THTPA: variants seen among roughly 807,000 people sequenced by gnomAD.
THTPA encodes the protein thiamine-triphosphatase.
Under a neutral mutation model 16.5 loss-of-function variants are expected in THTPA, and 16 were observed. That is an observed-to-expected ratio of 0.97 (90% CI 0.66 to 1.47). The LOEUF (loss-of-function observed/expected upper bound fraction) is 1.47. Ranked by LOEUF, THTPA falls within the 40% of genes most tolerant of loss-of-function variation. The pLI, the probability that THTPA is intolerant of heterozygous loss-of-function variation, is 0.00. For missense variants in THTPA, 281 were observed against 280.9 expected (o/e 1.00, Z 0.00); for synonymous variants, 110 against 115.5 (o/e 0.95, Z 0.30).
At chr14:23,543,771 A>C in the THTPA span, 1 of 152,176 alleles carries the variant, frequency 6.6e-6, no homozygotes, top group African/African-American at 2.4e-5. Context: ...AGGTCTACAC[A>C]TGTGTATCCA....
chr14:23,538,976 C>T, the THTPA span, among the ~76,000 whole-genome samples: 1 of 152,086 alleles, frequency 6.6e-6, no homozygotes, highest in Non-Finnish European at 1.5e-5. Context: ...AGGCTGCTGC[C>T]ACTGAGGGGG....
Position 23,558,970 on chromosome 14 carries a change from C to A in THTPA, c.*130C>A, listed in dbSNP as rs1004225781. ...TCTCTCCAGCGCTGCCTGTTTCTTC[C>A]CCCTCCTCTAAGCTACTCTTCCTTG... is the stretch of plus-strand genomic sequence containing the variant. On this transcript the variant is annotated 3_prime_UTR_variant, in exon 2 of 2. Coordinates refer to ENST00000288014, the MANE Select transcript of THTPA (RefSeq NM_024328.6). 1 of 1,136,582 alleles carries A rather than the reference C, an allele frequency of 8.8e-7. No individual in the cohort carries two copies. Among genetic ancestry groups the A allele is most frequent in the African/African-American group, 1.6e-5 (1 of 63,834 alleles). The allele number at this position is 1,136,582 out of a possible 1,614,324, so 70.4% of individuals were successfully genotyped here.
the THTPA span, chr14:23,530,159 T>C: frequency 2.6e-6 from 4 of 1,535,440 alleles, no homozygotes; most frequent in African/African-American, 4.1e-5. Flanking sequence ...TTCTCAGGGG[T>C]GGGTGGCTCA....
chr14:23,556,810 C>T lies in THTPA; in HGVS notation c.53C>T (p.Thr18Ile). 1 of 1,613,644 alleles carries T rather than the reference C, an allele frequency of 6.2e-7. No individual in the cohort carries two copies. Among genetic ancestry groups the T allele is most frequent in the South Asian group, 1.1e-5 (1 of 90,976 alleles). ...VERKFLPGPGTEERLQELGGT... is the reference protein window; with the variant it reads ...VERKFLPGPGIEERLQELGGT... ...CGAAAGTTCCTTCCAGGGCCTGGCACAGAGGAGCGGCTGCAGGAGTTGGGG... is the reference window on the plus strand; with the variant it reads ...CGAAAGTTCCTTCCAGGGCCTGGCATAGAGGAGCGGCTGCAGGAGTTGGGG... The change falls in exon 1 of 2, where the codon ACA becomes ATA. Residue 18 changes from threonine (T) to isoleucine (I), a missense_variant. Physicochemically the swap from Thr to Ile is moderately conservative, Grantham distance 89. Coordinates refer to ENST00000288014, the MANE Select transcript of THTPA (RefSeq NM_024328.6).
chr14:23,526,092 T>G, the THTPA span: 1 of 1,536,512 alleles, frequency 6.5e-7, no homozygotes, highest in South Asian at 1.2e-5. Context: ...CCTTCAATCT[T>G]GGAATCAGTC....
At chr14:23,535,078 C>G in the THTPA span, 1 of 1,536,114 alleles carries the variant, frequency 6.5e-7, no homozygotes, top group Non-Finnish European at 8.7e-7. The surrounding 1 kb of genome is among the most constrained non-coding windows in gnomAD (Gnocchi z 4.5). Context: ...TGGGAAGTGA[C>G]CACAGTCAGG....
the THTPA span, among the ~76,000 whole-genome samples, chr14:23,548,889 T>G: frequency 6.6e-6 from 1 of 152,230 alleles, no homozygotes; most frequent in African/African-American, 2.4e-5. Context: ...TCAGTCACGC[T>G]GTGTCCTCCT....
the THTPA span, chr14:23,525,548 G>T: frequency 6.5e-7 from 1 of 1,535,302 alleles, no homozygotes; most frequent in Non-Finnish European, 8.7e-7. This position sits in a 1 kb window ranked among gnomAD's most constrained non-coding sequence, Gnocchi z 5.9. Flanking sequence ...TGGGGTAGGG[G>T]GAGGGGGCAC....
the THTPA span, chr14:23,543,862 C>G: frequency 1.3e-5 from 2 of 151,906 alleles, no homozygotes; most frequent in African/African-American, 4.8e-5. Context: ...AAAAAAATAG[C>G]CTTTAGAGTC....
At chr14:23,534,241 T>C in the THTPA span, 116 of 1,522,752 alleles carry the variant, frequency 7.6e-5, no homozygotes, top group Non-Finnish European at 7.5e-5. The surrounding 1 kb of genome is among the most constrained non-coding windows in gnomAD (Gnocchi z 4.5). Context: ...TACTGGCGAT[T>C]CTTTGGCTTG....
At chr14:23,557,726 CT>C (rs1374254120) in intron 1 of THTPA, among the ~76,000 whole-genome samples, 1 of 152,098 alleles carries the variant, frequency 6.6e-6, no homozygotes, top group Non-Finnish European at 1.5e-5. Flanking sequence ...TCTCAGTTCC[CT>C]GCTTTGACTC....
the THTPA span, chr14:23,524,268 C>T: frequency 1.6e-5 from 24 of 1,536,230 alleles, no homozygotes; most frequent in African/African-American, 2.7e-5. This position sits in a 1 kb window ranked among gnomAD's most constrained non-coding sequence, Gnocchi z 5.6. Flanking sequence ...CCCACCTCCT[C>T]GGAGATGCAG....
At chr14:23,542,937 T>G in the THTPA span, 1 of 152,262 alleles carries the variant, frequency 6.6e-6, no homozygotes, top group South Asian at 2.1e-4. Context: ...GGTTTCACCA[T>G]GTTGTCCAGG....
chr14:23,525,658 G>A, the THTPA span: 160 of 1,535,360 alleles, frequency 1.0e-4, no homozygotes, highest in African/African-American at 9.3e-4. This position sits in a 1 kb window ranked among gnomAD's most constrained non-coding sequence, Gnocchi z 5.9. Flanking sequence ...GCAATGGGTC[G>A]GGGGGTGAGG....
chr14:23,526,340 G>C, the THTPA span: 1 of 1,536,308 alleles, frequency 6.5e-7, no homozygotes, highest in Non-Finnish European at 8.7e-7. Context: ...ATTCTTCTGG[G>C]TGAAGGACTC....
At chr14:23,534,113 G>T in the THTPA span, 1 of 1,487,276 alleles carries the variant, frequency 6.7e-7, no homozygotes, top group Non-Finnish European at 8.9e-7. The surrounding 1 kb of genome is among the most constrained non-coding windows in gnomAD (Gnocchi z 4.5). Context: ...GAGCCCACTG[G>T]GGCAGGGAGA....
chr14:23,558,616 C>T (rs551282641), intron 1 of THTPA, 79 bp from the exon 2 acceptor site: 46 of 1,578,690 alleles, frequency 2.9e-5, no homozygotes, highest in Non-Finnish European at 3.9e-5. Flanking sequence ...CCACGGAGTC[C>T]TGGCTAGGTG....
the THTPA span, chr14:23,529,473 C>G: frequency 3.8e-6 from 2 of 527,636 alleles, no homozygotes; most frequent in African/African-American, 3.8e-5. Context: ...TCATCTTTCC[C>G]TCAAGTTCCT....
chr14:23,558,588 G>C, intron 1 of THTPA, 107 bp from the exon 2 acceptor site: 25 of 1,434,248 alleles, frequency 1.7e-5, no homozygotes, highest in Non-Finnish European at 2.4e-5. Flanking sequence ...CAGAACCCCA[G>C]TGTGGCTTTG....
Sources: allele counts gnomAD v4.1 joint callset (sites outside exome capture counted in the v4.1 genomes callset), GRCh38; gene constraint gnomAD v4.1.1; non-coding constraint Gnocchi (gnomAD v3.1); transcripts MANE v1.5; gene names NCBI Gene and HGNC (gene_info 2026-07-23, HGNC 2026-07-21).